EPAS1: variants seen among roughly 807,000 people sequenced by gnomAD.
EPAS1 encodes endothelial PAS domain-containing protein 1.
In EPAS1, 23 loss-of-function variants were observed where a neutral mutation model predicts 87.9. The ratio of observed to expected loss-of-function variants is 0.26; its 90% CI spans 0.19 to 0.37. EPAS1 has a LOEUF of 0.37. EPAS1 is among the 10% of genes least tolerant of loss of function. EPAS1 has a pLI of 1.00. For missense variants in EPAS1, 1,138 were observed against 1,120.7 expected, an observed-to-expected ratio of 1.02 and a Z score of -0.22; for synonymous variants, 508 against 444.3, an observed-to-expected ratio of 1.14 and a Z score of -1.80.
At chr2:46,329,728 G>A (rs1401508137) in intron 1 of EPAS1, among the ~76,000 whole-genome samples, 1 of 152,004 alleles carries the variant, frequency 6.6e-6, no homozygotes, top group African/African-American at 2.4e-5. Context: ...AGGCTGAGGC[G>A]GGAGAATCGC....
chr2:46,380,144 G>A lies in EPAS1; in HGVS notation c.1555-83G>A. 6.3e-7 allele frequency: 1 copy of A among 1,594,396 alleles called. No individual in the cohort carries two copies. On this transcript the variant is annotated intron_variant, in intron 11 of 15. Coordinates refer to ENST00000263734, the MANE Select transcript of EPAS1 (RefSeq NM_001430.5). The surrounding 1 kb of genome is among the most constrained non-coding windows in gnomAD (Gnocchi z 4.4). The stretch of plus-strand genomic sequence containing the variant: ...CTGTGAAACAGTGCTTGAGATGAAT[G>A]GCTCTGCAGGAGCTGAGTTGGAATA...
intron 2 of EPAS1, among the ~76,000 whole-genome samples, chr2:46,351,984 G>A (rs6728082): frequency 4.6e-4 from 70 of 152,242 alleles, no homozygotes; most frequent in African/African-American, 1.6e-3. Context: ...CTCAGCCCGC[G>A]CATATCCTGG....
intron 1 of EPAS1, among the ~76,000 whole-genome samples, chr2:46,307,953 C>T (rs1683139314): frequency 6.6e-6 from 1 of 152,174 alleles, no homozygotes; most frequent in African/African-American, 2.4e-5. Context: ...TCAGTAAAGA[C>T]ATGGGTCCTT....
At chr2:46,368,447 T>G (rs921281701) in intron 6 of EPAS1, among the ~76,000 whole-genome samples, 1 of 152,078 alleles carries the variant, frequency 6.6e-6, no homozygotes, top group Admixed American at 6.5e-5. Context: ...GAGAGTAGGT[T>G]CTGGGGGGAC....
intron 1 of EPAS1, among the ~76,000 whole-genome samples, chr2:46,337,314 C>T (rs2104863598): frequency 6.6e-6 from 1 of 152,278 alleles, no homozygotes; most frequent in African/African-American, 2.4e-5. Flanking sequence ...GAAGTCAGTG[C>T]AGGTGAGGCT....
At chr2:46,298,233 A>G (rs1050128834) in intron 1 of EPAS1, among the ~76,000 whole-genome samples, 3 of 151,668 alleles carry the variant, frequency 2.0e-5, no homozygotes, top group African/African-American at 7.3e-5. Flanking sequence ...GCCTTTGAAA[A>G]TCTCCCAGCC....
intron 4 of EPAS1, among the ~76,000 whole-genome samples, chr2:46,357,695 T>C (rs1684297576): frequency 6.6e-6 from 1 of 152,154 alleles, no homozygotes. Context: ...CCACAGGAAA[T>C]GGTACCCTGA....
chr2:46,369,817 A>T lies in EPAS1; in HGVS notation c.780-10A>T, dbSNP rs1012035252. 1.2e-6 allele frequency: 2 copies of T among 1,607,686 alleles called. No homozygotes were observed. Among genetic ancestry groups the T allele is most frequent in the South Asian group, 1.1e-5 (1 of 90,146 alleles). The stretch of plus-strand genomic sequence containing the variant: ...TTTCTTCCTTACATGCTGCCTTTTT[A>T]AAAACTCAGAATCACAGAACTGATT... On this transcript the variant is annotated splice_polypyrimidine_tract_variant and intron_variant, in intron 6 of 15. Transcript: ENST00000263734.
chr2:46,381,732 C>A lies in EPAS1; in HGVS notation c.2172+10C>A. 6.2e-7 allele frequency: 1 copy of A among 1,613,610 alleles called. No individual in the cohort carries two copies. Among genetic ancestry groups the A allele is most frequent in the Non-Finnish European group, 8.5e-7 (1 of 1,180,000 alleles). ...CCAGGACCTGAGCGGGGTGAGTCAT[C>A]CCCACTGGCCACAGGGGCCTCTCCA... is the stretch of plus-strand genomic sequence containing the variant. On this transcript the variant is annotated intron_variant, in intron 13 of 15. Transcript: ENST00000263734.
At chr2:46,334,252 C>A (rs961704757) in intron 1 of EPAS1, among the ~76,000 whole-genome samples, 1 of 152,190 alleles carries the variant, frequency 6.6e-6, no homozygotes, top group African/African-American at 2.4e-5. Flanking sequence ...ACAGGCTAGG[C>A]AATTATCCGG....
At chr2:46,351,092 C>T (rs929941772) in intron 2 of EPAS1, among the ~76,000 whole-genome samples, 1 of 152,180 alleles carries the variant, frequency 6.6e-6, no homozygotes, top group Non-Finnish European at 1.5e-5. Flanking sequence ...TACCTCCACC[C>T]CTTTGTCCCA....
chr2:46,308,443 C>G (rs930130106), intron 1 of EPAS1, among the ~76,000 whole-genome samples: 2 of 135,892 alleles, frequency 1.5e-5, no homozygotes, highest in Non-Finnish European at 3.1e-5. Flanking sequence ...TGCCCTAATA[C>G]CTTGCTTGCT....
At chr2:46,327,601 G>A (rs563354687) in intron 1 of EPAS1, among the ~76,000 whole-genome samples, 8 of 152,272 alleles carry the variant, frequency 5.3e-5, no homozygotes, top group Admixed American at 5.2e-4. Context: ...ATATAAGGTG[G>A]GACAAAGTTT....
At chr2:46,349,953 T>G (rs1050031727) in intron 2 of EPAS1, among the ~76,000 whole-genome samples, 15 of 152,226 alleles carry the variant, frequency 9.9e-5, no homozygotes, top group Admixed American at 9.2e-4. Context: ...GAGCTTTAGT[T>G]TCCTCATCTG....
rs771700438 is a variant in EPAS1 at position 46,297,890 on chromosome 2, G to A, written c.-22G>A. The A allele has an allele frequency of 6.2e-7, 1 of 1,610,320 alleles. No homozygotes were observed. The highest frequency in any genetic ancestry group is 8.5e-7 in the Non-Finnish European group (1 of 1,178,130). On this transcript the variant is annotated 5_prime_UTR_variant, in exon 1 of 16. Transcript: ENST00000263734. The stretch of plus-strand genomic sequence containing the variant: ...GAGCCCAGGTGCTCGGCGTCTGAAC[G>A]TCTCAAAGGGCCACAGCGACAATGA...
chr2:46,337,697 G>A (rs1396532855), intron 1 of EPAS1, among the ~76,000 whole-genome samples: 4 of 152,158 alleles, frequency 2.6e-5, no homozygotes, highest in Non-Finnish European at 4.4e-5. Context: ...GGCTGCTGAT[G>A]GGTAGAAGCC....
intron 1 of EPAS1, among the ~76,000 whole-genome samples, chr2:46,299,670 T>A (rs1682958049): frequency 6.6e-6 from 1 of 152,162 alleles, no homozygotes. Flanking sequence ...CTGACAGTAA[T>A]CTTGACAAAT....
intron 1 of EPAS1, among the ~76,000 whole-genome samples, chr2:46,303,069 T>C (rs999453662): frequency 1.3e-5 from 2 of 151,994 alleles, no homozygotes; most frequent in Non-Finnish European, 2.9e-5. Flanking sequence ...CGAGACAACG[T>C]CAAAGAAAGA....
intron 1 of EPAS1, among the ~76,000 whole-genome samples, chr2:46,339,705 C>T (rs1683869438): frequency 6.6e-6 from 1 of 152,194 alleles, no homozygotes; most frequent in Non-Finnish European, 1.5e-5. Context: ...AACAAGATAC[C>T]GTAAACTGAG....
Sources: gnomAD v4.1 joint callset for allele counts (sites outside exome capture counted in the v4.1 genomes callset) on GRCh38, gnomAD v4.1.1 for gene constraint, Gnocchi (gnomAD v3.1) non-coding constraint, MANE v1.5 for transcripts, NCBI Gene and HGNC (gene_info 2026-07-23, HGNC 2026-07-21) for gene names.